ECI1: variants seen among roughly 807,000 people sequenced by gnomAD.
The protein encoded by ECI1 is enoyl-CoA delta isomerase 1, mitochondrial.
ECI1 carries 34 observed loss-of-function variants against 34.2 expected under a neutral mutation model. The observed-to-expected ratio is 1.00, with a 90% confidence interval of 0.76 to 1.33. ECI1 has a LOEUF of 1.33. Among genes scored for constraint, ECI1 ranks in the 40% most tolerant of loss-of-function variants. ECI1 has a pLI of 0.00. For synonymous variants in ECI1, 211 were observed against 193.0 expected (o/e 1.09, Z -0.77); for missense variants, 456 against 422.2 (o/e 1.08, Z -0.70).
At chr16:2,245,415 A>C (rs1412983598) in intron 3 of ECI1, among the ~76,000 whole-genome samples, 1 of 152,246 alleles carries the variant, frequency 6.6e-6, no homozygotes, top group Non-Finnish European at 1.5e-5. Context: ...CGGCTGGGAC[A>C]GATGGGATGG....
Position 2,249,876 on chromosome 16 carries a change from CAAAAAAAAAAAAAAA to C in ECI1, c.166+1425_166+1439del, listed in dbSNP as rs869259386. On this transcript the variant is annotated intron_variant, in intron 2 of 6. Transcript: ENST00000301729. ...CTGGCGACAGAGCAAGACTCCGTCTCAAAAAAAAAAAAAAAAAAAAAAAAAAAAAGACAAAGTAGA... is the reference window on the plus strand; with the variant it reads ...CTGGCGACAGAGCAAGACTCCGTCTCAAAAAAAAAAAAAAGACAAAGTAGA... 4.4e-4 allele frequency among the ~76,000 whole-genome samples: 9 copies of C among 20,350 alleles called. No homozygotes were observed. In the Admixed American group the frequency reaches 6.0e-3, roughly 14 times the overall value. The allele number at this position is 20,350 out of a possible 152,430, so 13.4% of individuals were successfully genotyped here. A position where few individuals can be genotyped will look rare whatever the true frequency, so the allele number is the denominator to read the frequency against.
intron 2 of ECI1, among the ~76,000 whole-genome samples, chr16:2,247,434 G>A (rs1051870592): frequency 6.6e-6 from 1 of 151,986 alleles, no homozygotes; most frequent in African/African-American, 2.4e-5. Flanking sequence ...TTTTGCTCTT[G>A]TTGCCCAGGT....
At chr16:2,245,453 A>C (rs1219167423) in intron 3 of ECI1, among the ~76,000 whole-genome samples, 1 of 152,238 alleles carries the variant, frequency 6.6e-6, no homozygotes, top group African/African-American at 2.4e-5. Flanking sequence ...GATGTGAAAA[A>C]GCCAGGAACG....
At chr16:2,246,126 C>A (rs954045295) in intron 3 of ECI1, among the ~76,000 whole-genome samples, 3 of 152,194 alleles carry the variant, frequency 2.0e-5, no homozygotes, top group Non-Finnish European at 2.9e-5. Flanking sequence ...CTCAAGGGTC[C>A]CATCCTCCTG....
rs781555298 is a variant in ECI1 at position 2,239,971 on chromosome 16, C to T, written c.*8G>A. The T allele has an allele frequency of 1.9e-6, 3 of 1,613,486 alleles. No individual in the cohort carries two copies. Among genetic ancestry groups the T allele is most frequent in the South Asian group, 2.2e-5 (2 of 91,086 alleles). ...ACGTGTGGCCGTAAGCCTGTGGCAG[C>T]CCAATCGTTAGCCTTTTTCTTCTTT... On this transcript the variant is annotated 3_prime_UTR_variant, in exon 7 of 7. Transcript: ENST00000301729.
chr16:2,249,672 C>T (rs1384331545), intron 2 of ECI1, among the ~76,000 whole-genome samples: 1 of 149,394 alleles, frequency 6.7e-6, no homozygotes, highest in East Asian at 2.0e-4. Flanking sequence ...GAGATCAAGA[C>T]CATCCTGGCT....
chr16:2,248,230 G>A (rs1191152244), intron 2 of ECI1, among the ~76,000 whole-genome samples: 1 of 151,786 alleles, frequency 6.6e-6, no homozygotes, highest in Non-Finnish European at 1.5e-5. Flanking sequence ...CTGAGTAGCT[G>A]GGACTACAGG....
At position 2,246,757 on chromosome 16, in the gene ECI1, G is replaced by A. The variant is rs1362871924; in HGVS notation, c.294+102C>T. Reference sequence around the variant, plus strand: ...GGCTGCCGGCTGGCCTGTGCCACACGTTGGCAGGCTCTGCCTCTTCCATGT... The same window carrying A: ...GGCTGCCGGCTGGCCTGTGCCACACATTGGCAGGCTCTGCCTCTTCCATGT... On this transcript the variant is annotated intron_variant, in intron 3 of 6. Coordinates refer to ENST00000301729, the MANE Select transcript of ECI1 (RefSeq NM_001919.4). 45 of 1,574,634 alleles carry A rather than the reference G, an allele frequency of 2.9e-5. No individual in the cohort carries two copies. The East Asian group carries it at 4.7e-4, about 16-fold the overall frequency.
chr16:2,246,897 C>G lies in ECI1; in HGVS notation c.256G>C (p.Glu86Gln). The G allele has an allele frequency of 1.2e-6, 2 of 1,613,696 alleles. No individual in the cohort carries two copies. The highest frequency in any genetic ancestry group is 1.7e-6 in the Non-Finnish European group (2 of 1,180,022). Residue 86 changes from glutamate (E) to glutamine (Q), a missense_variant, in exon 3 of 7, where the codon GAG becomes CAG. Transcript: ENST00000301729. ...TELVISLEKL[E>Q]NDKSFRGVIL... is the part of the protein sequence containing the mutation. ...ACACCGCGGAAGCTCTTGTCATTCTCCAGCTTCTCCAGGCTGATGACCAGC... is the reference window on the plus strand; with the variant it reads ...ACACCGCGGAAGCTCTTGTCATTCTGCAGCTTCTCCAGGCTGATGACCAGC...
Position 2,244,552 on chromosome 16 carries a change from C to G in ECI1, c.295G>C (p.Asp99His). 6.3e-7 allele frequency: 1 copy of G among 1,582,052 alleles called. No individual in the cohort carries two copies. Among genetic ancestry groups the G allele is most frequent in the Non-Finnish European group, 8.6e-7 (1 of 1,164,624 alleles). ...CCGGCCGAGAAGACACCCGGGCGGT[C>G]CTGCAGGGGGAGCCGGGGCCACATG... ...KSFRGVILTS[D>H]RPGVFSAGLD... Residue 99 changes from aspartate (D) to histidine (H), a missense_variant and splice_region_variant, in exon 4 of 7, where the codon GAC (aspartate) becomes CAC (histidine). By Grantham distance (81) the Asp-to-His change is moderately conservative. Transcript: ENST00000301729.
At chr16:2,240,565 C>A (rs1279728742) in intron 6 of ECI1, 1 of 262,094 alleles carries the variant, frequency 3.8e-6, no homozygotes, top group Non-Finnish European at 7.5e-6. Context: ...TCTCTGTCGC[C>A]CATACTGGAG....
chr16:2,248,117 AGACAGAGTCTCG>A (rs2093544664), intron 2 of ECI1, among the ~76,000 whole-genome samples: 1 of 151,988 alleles, frequency 6.6e-6, no homozygotes, highest in South Asian at 2.1e-4. Flanking sequence ...TTTTTTTCTG[AGACAGAGTCTCG>A]CTCGTCGCCC....
intron 2 of ECI1, among the ~76,000 whole-genome samples, chr16:2,249,157 T>C (rs1351220902): frequency 6.6e-6 from 1 of 152,150 alleles, no homozygotes; most frequent in African/African-American, 2.4e-5. Flanking sequence ...ACCATTCTCC[T>C]GCCTCAGCCT....
intron 4 of ECI1, chr16:2,244,191 C>T: frequency 1.6e-6 from 1 of 619,326 alleles, no homozygotes; most frequent in South Asian, 1.9e-5. Flanking sequence ...TTTTCTGGGT[C>T]TTGTCTGATT....
intron 6 of ECI1, 51 bp downstream of exon 6, chr16:2,242,995 C>A: frequency 6.9e-7 from 1 of 1,449,836 alleles, no homozygotes; most frequent in Non-Finnish European, 9.6e-7. Flanking sequence ...GGGTGGAGAA[C>A]CTTCTGGTCT....
At chr16:2,250,983 T>C (rs1348253753) in intron 2 of ECI1, among the ~76,000 whole-genome samples, 3 of 152,186 alleles carry the variant, frequency 2.0e-5, no homozygotes, top group Non-Finnish European at 2.9e-5. Flanking sequence ...AGCTAATTTT[T>C]TTCTTTTGTA....
intron 3 of ECI1, 115 bp from the exon 4 acceptor site, chr16:2,244,667 G>T: frequency 8.7e-7 from 1 of 1,154,430 alleles, no homozygotes; most frequent in Non-Finnish European, 1.2e-6. Context: ...GTCACGCTCA[G>T]GGTGTGGGTG....
chr16:2,249,812 A>G (rs2093548620), intron 2 of ECI1, among the ~76,000 whole-genome samples: 1 of 131,906 alleles, frequency 7.6e-6, no homozygotes, highest in African/African-American at 2.8e-5. Context: ...CGGGAGGCGG[A>G]GCTTGCAGTG....
At chr16:2,242,414 C>G (rs1249519292) in intron 6 of ECI1, 1 of 153,540 alleles carries the variant, frequency 6.5e-6, no homozygotes, top group Non-Finnish European at 1.4e-5. Flanking sequence ...CCTTTAGAGA[C>G]AGAATTTGCT....
Sources: allele counts gnomAD v4.1 joint callset (sites outside exome capture counted in the v4.1 genomes callset), GRCh38; gene constraint gnomAD v4.1.1; transcripts MANE v1.5; gene names NCBI Gene and HGNC (gene_info 2026-07-23, HGNC 2026-07-21).